Variants in TVP23C observed in about 807,000 individuals in gnomAD.
TVP23C encodes Golgi apparatus membrane protein TVP23 homolog C.
A neutral mutation model predicts 28.7 loss-of-function variants in TVP23C; 19 were observed. The ratio of observed to expected loss-of-function variants is 0.66; its 90% confidence interval spans 0.46 to 0.97. TVP23C has a LOEUF of 0.97. TVP23C is among the 50% of genes least tolerant of loss of function. The probability of loss-of-function intolerance (pLI) is 0.00; values close to 1 mark genes in which losing one functional copy is unlikely to be tolerated. For missense variants in TVP23C, 186 were observed against 241.3 expected, an observed-to-expected ratio of 0.77 and a Z score of 1.52; for synonymous variants, 68 against 81.7, an observed-to-expected ratio of 0.83 and a Z score of 0.90.
intron 5 of TVP23C, among the ~76,000 whole-genome samples, chr17:15,519,636 C>T (rs1222314410): frequency 2.6e-5 from 4 of 152,130 alleles, no homozygotes; most frequent in African/African-American, 7.2e-5. Flanking sequence ...GGTGGCCAGG[C>T]GCGGTGGCTC....
Position 15,537,656 on chromosome 17 carries a change from T to C in TVP23C, c.*2756A>G, listed in dbSNP as rs191363849. 3.6e-3 allele frequency: 3,586 copies of C among 985,364 alleles called. 8 individuals are homozygous for C. The highest frequency in any genetic ancestry group is 4.7e-3 in the Middle Eastern group (9 of 1,914). 61.0% of individuals were successfully genotyped at this position (985,364 alleles called of 1,614,324 possible). A position where few individuals can be genotyped will look rare whatever the true frequency, so the allele number is the denominator to read the frequency against. On this transcript the variant is annotated 3_prime_UTR_variant, in exon 6 of 6. Transcript: ENST00000518321. ...AAAACTAACAATTATTTCTAACTTA[T>C]ACATAAGCCAAAGTGCTCACTCTTA...
At chr17:15,513,990 AGG>A (rs1982115203) in intron 5 of TVP23C, among the ~76,000 whole-genome samples, 1 of 152,214 alleles carries the variant, frequency 6.6e-6, no homozygotes, top group Non-Finnish European at 1.5e-5. Flanking sequence ...CCAGAGACCC[AGG>A]GCCTGTCACT....
At position 15,540,366 on chromosome 17, in the gene TVP23C, T is replaced by C. The variant is rs1983359154; in HGVS notation, c.*46A>G. 1 of 1,516,334 alleles carries C rather than the reference T, an allele frequency of 6.6e-7. No homozygotes were observed. Among genetic ancestry groups the C allele is most frequent in the African/African-American group, 1.4e-5 (1 of 69,846 alleles). 93.9% of individuals were successfully genotyped at this position (1,516,334 alleles called of 1,614,324 possible). A position where few individuals can be genotyped will look rare whatever the true frequency, so the allele number is the denominator to read the frequency against. ...AAAACTTCTGTTCAGGAGCGTTTCA[T>C]AAAAATTAAACTATGAAAGTTAGAA... is the stretch of plus-strand genomic sequence containing the variant. On this transcript the variant is annotated 3_prime_UTR_variant, in exon 6 of 6. Coordinates refer to ENST00000518321, the MANE Select transcript of TVP23C (RefSeq NM_001135036.2).
chr17:15,526,992 G>C (rs1043539612), intron 5 of TVP23C, among the ~76,000 whole-genome samples: 2 of 152,136 alleles, frequency 1.3e-5, no homozygotes, highest in African/African-American at 4.8e-5. Context: ...GGCCCCAGTA[G>C]ACCAAACCAA....
chr17:15,529,257 G>T (rs1048798120), intron 5 of TVP23C, among the ~76,000 whole-genome samples: 1 of 152,124 alleles, frequency 6.6e-6, no homozygotes, highest in South Asian at 2.1e-4. Context: ...TTTGAGACCA[G>T]CCTGGCCAAC....
rs1228897017 is a variant in TVP23C, at chr17:15,539,041, T to C, written c.*1371A>G. The C allele has an allele frequency of 1.0e-6, 1 of 985,252 alleles. No homozygotes were observed. The highest frequency in any genetic ancestry group is 1.2e-6 in the Non-Finnish European group (1 of 829,592). The allele number at this position is 985,252 out of a possible 1,614,324, so 61.0% of individuals were successfully genotyped here. ...CTTTGTACCACTATTAGCTGTATAA[T>C]CTTAAGTAAATAATTTAATTTCTCG... On this transcript the variant is annotated 3_prime_UTR_variant, in exon 6 of 6. Coordinates refer to ENST00000518321, the MANE Select transcript of TVP23C (RefSeq NM_001135036.2).
At chr17:15,534,603 ACACACACACC>A (rs1438688960), downstream of TVP23C, among the ~76,000 whole-genome samples, 4 of 148,442 alleles carry the variant, frequency 2.7e-5, no homozygotes, top group Admixed American at 2.0e-4. Context: ...ACACACACAC[ACACACACACC>A]CTTACCTATT....
intron 3 of TVP23C, among the ~76,000 whole-genome samples, chr17:15,550,269 T>C (rs1006430672): frequency 1.3e-5 from 2 of 152,252 alleles, no homozygotes; most frequent in Non-Finnish European, 2.9e-5. Context: ...TTTTGCTTCC[T>C]TTTAAACCCA....
intron 1 of TVP23C, among the ~76,000 whole-genome samples, chr17:15,558,613 G>GTAGA (rs1457852814): frequency 6.7e-6 from 1 of 148,224 alleles, no homozygotes; most frequent in Non-Finnish European, 1.5e-5. Context: ...AACAAGCAAA[G>GTAGA]TAGAGGTGAG....
At chr17:15,535,850 A>T (rs1301607099), downstream of TVP23C, among the ~76,000 whole-genome samples, 1 of 152,248 alleles carries the variant, frequency 6.6e-6, no homozygotes, top group Non-Finnish European at 1.5e-5. Context: ...GAGAAGCCAG[A>T]ACATTAACAC....
At chr17:15,560,138 C>T (rs1327658145) in intron 1 of TVP23C, among the ~76,000 whole-genome samples, 3 of 149,584 alleles carry the variant, frequency 2.0e-5, no homozygotes, top group Admixed American at 1.3e-4. Flanking sequence ...TGGCTCACTG[C>T]AACCTCCGCC....
At chr17:15,529,690 G>C (rs1982872846) in intron 5 of TVP23C, among the ~76,000 whole-genome samples, 1 of 152,222 alleles carries the variant, frequency 6.6e-6, no homozygotes, top group South Asian at 2.1e-4. Flanking sequence ...ATTGCTGCTT[G>C]CATGGTATAT....
At chr17:15,555,419 C>G in intron 1 of TVP23C, 55 bp from the exon 2 acceptor site, 1 of 1,609,040 alleles carries the variant, frequency 6.2e-7, no homozygotes, top group Non-Finnish European at 8.5e-7. Context: ...GTTTACACAG[C>G]CACTGCAATG....
chr17:15,549,719 A>C (rs2150856175), intron 3 of TVP23C, among the ~76,000 whole-genome samples: 1 of 152,242 alleles, frequency 6.6e-6, no homozygotes, highest in East Asian at 1.9e-4. Context: ...CAAGACAGCC[A>C]CATAAAAACG....
At chr17:15,557,629 G>C (rs571001408) in intron 1 of TVP23C, among the ~76,000 whole-genome samples, 3 of 145,284 alleles carry the variant, frequency 2.1e-5, no homozygotes, top group Non-Finnish European at 4.6e-5. Flanking sequence ...GTAAATCCTA[G>C]TGTCTAGCAG....
In TVP23C at chr17:15,538,851, C is replaced by G; in HGVS notation, c.*1561G>C. 2.0e-6 allele frequency: 2 copies of G among 985,788 alleles called. No homozygotes were observed. The highest frequency in any genetic ancestry group is 2.4e-6 in the Non-Finnish European group (2 of 829,930). The allele number at this position is 985,788 out of a possible 1,614,324, so 61.1% of individuals were successfully genotyped here. On this transcript the variant is annotated 3_prime_UTR_variant, in exon 6 of 6. Transcript: ENST00000518321. ...ATGAAAGTTACCCTAAGGTGGACCA[C>G]AGTAAAGGTATATTGGAGCCATGCA...
chr17:15,563,047 G>C, intron 1 of TVP23C: 1 of 286,072 alleles, frequency 3.5e-6, no homozygotes, highest in Admixed American at 5.1e-5. Context: ...ATTTGAAAGC[G>C]AGGCTCTGGC....
chr17:15,538,136 C>A lies in TVP23C; in HGVS notation c.*2276G>T. The A allele has an allele frequency of 6.2e-7, 1 of 1,613,828 alleles. No individual in the cohort carries two copies. Among genetic ancestry groups the A allele is most frequent in the Non-Finnish European group, 8.5e-7 (1 of 1,179,848 alleles). On this transcript the variant is annotated 3_prime_UTR_variant, in exon 6 of 6. Transcript: ENST00000518321. Reference sequence around the variant, plus strand: ...CATAAGCTTTCTCTATTCAGGAAGTCTGATCATCTCCAGTGTTCCGCAAAA... The same window carrying A: ...CATAAGCTTTCTCTATTCAGGAAGTATGATCATCTCCAGTGTTCCGCAAAA...
At chr17:15,504,555 T>C (rs1416586700) in intron 5 of TVP23C, among the ~76,000 whole-genome samples, 2 of 146,300 alleles carry the variant, frequency 1.4e-5, no homozygotes. Flanking sequence ...CTGAGAATCA[T>C]TTTAATAAAG....
Sources: allele counts gnomAD v4.1 joint callset (sites outside exome capture counted in the v4.1 genomes callset), GRCh38; gene constraint gnomAD v4.1.1; transcripts MANE v1.5; gene names NCBI Gene and HGNC (gene_info 2026-07-23, HGNC 2026-07-21).